Variants in TULP3 observed in about 807,000 individuals in gnomAD.
The protein encoded by TULP3 is tubby-related protein 3.
Under a neutral mutation model 50.7 loss-of-function variants are expected in TULP3, and 38 were observed. The ratio of observed to expected loss-of-function variants is 0.75; its 90% CI spans 0.58 to 0.98. The LOEUF (loss-of-function observed/expected upper bound fraction) is 0.98. TULP3 is among the 50% of genes least tolerant of loss of function. TULP3 has a pLI of 0.00. For missense variants in TULP3, 550 were observed against 568.0 expected (o/e 0.97, Z 0.32); for synonymous variants, 183 against 196.6 (o/e 0.93, Z 0.58).
chr12:2,897,032 G>GTA, intron 1 of TULP3, among the ~76,000 whole-genome samples: 1 of 150,506 alleles, frequency 6.6e-6, no homozygotes. Flanking sequence ...TTTTTTTTTT[G>GTA]GAGTCTCGCT....
Position 2,908,130 on chromosome 12 carries a change from T to C in TULP3, c.42-1399T>C, listed in dbSNP as rs184266340. Among the ~76,000 whole-genome samples, 52 of 152,314 alleles carry C rather than the reference T, an allele frequency of 3.4e-4. No individual in the cohort carries two copies. In the East Asian group the frequency reaches 8.1e-3, roughly 24 times the overall value. ...CATTAGTAAGATGCATAGAACCTTC[T>C]AAAATGTAGGAATATAGTGGCACAC... On this transcript the variant is annotated intron_variant, in intron 1 of 10. Transcript: ENST00000448120.
chr12:2,911,539 TA>T (rs1253395418), intron 2 of TULP3, among the ~76,000 whole-genome samples: 18 of 150,458 alleles, frequency 1.2e-4, no homozygotes, highest in African/African-American at 3.9e-4. Flanking sequence ...TATTTTTTTT[TA>T]ATTTTTACTA....
chr12:2,920,728 T>C, intron 2 of TULP3, 35 bp from the exon 3 acceptor site: 1 of 1,611,402 alleles, frequency 6.2e-7, no homozygotes, highest in Non-Finnish European at 8.5e-7. Context: ...ATGTCAAAAC[T>C]CTCCTTGCTG....
intron 4 of TULP3, among the ~76,000 whole-genome samples, chr12:2,925,808 AT>A (rs919634596): frequency 2.6e-5 from 4 of 152,136 alleles, no homozygotes; most frequent in African/African-American, 9.7e-5. Context: ...GCAGATTTAG[AT>A]TTTCTGATTC....
rs540827887 is a variant in TULP3, at chr12:2,930,345, C to T, written c.492C>T (p.Thr164=). 1.4e-5 allele frequency: 23 copies of T among 1,604,622 alleles called. No homozygotes were observed. The African/African-American group carries it at 1.7e-4, about 12-fold the overall frequency. Residue 164 remains threonine, a splice_region_variant and synonymous_variant, in exon 5 of 11, where the codon ACC becomes ACT. Transcript: ENST00000448120. ...ATTCTGCATCAAGCCAGAATTCAAC[C>T]GTATGTAGTTCTGAAACTTCTTCCA... ...RPNSASSQNS[T]DTGTSGSATA... is the part of the protein sequence containing the mutation.
At chr12:2,899,552 C>T (rs190293694) in intron 1 of TULP3, among the ~76,000 whole-genome samples, 1 of 151,950 alleles carries the variant, frequency 6.6e-6, no homozygotes, top group Non-Finnish European at 1.5e-5. Context: ...TAAAATGGAA[C>T]CCGTTACCTT....
chr12:2,934,389 G>T, intron 7 of TULP3, 58 bp from the exon 8 acceptor site: 2 of 1,160,876 alleles, frequency 1.7e-6, no homozygotes, highest in African/African-American at 1.6e-5. Context: ...CTCTTAGATT[G>T]TGTTTGTATA....
At chr12:2,937,258 C>G (rs1451155991) in intron 8 of TULP3, among the ~76,000 whole-genome samples, 1 of 116,654 alleles carries the variant, frequency 8.6e-6, no homozygotes, top group African/African-American at 3.4e-5. Flanking sequence ...CTCTTGTCGC[C>G]CAGGCTGGAG....
intron 4 of TULP3, among the ~76,000 whole-genome samples, chr12:2,923,883 G>T (rs1352591940): frequency 6.6e-6 from 1 of 151,722 alleles, no homozygotes; most frequent in Non-Finnish European, 1.5e-5. Flanking sequence ...GGGGGGCTGA[G>T]GCAGGAGGAT....
At chr12:2,907,661 AT>A (rs199539152) in intron 1 of TULP3, among the ~76,000 whole-genome samples, 13 of 150,534 alleles carry the variant, frequency 8.6e-5, no homozygotes, top group Non-Finnish European at 1.6e-4. Flanking sequence ...AAAAAAAAAA[AT>A]TTTTTATTCT....
At chr12:2,909,985 G>A (rs11062413) in intron 2 of TULP3, among the ~76,000 whole-genome samples, 41,738 of 152,034 alleles carry the variant, frequency 0.27, 6,271 homozygotes, top group African/African-American at 0.39. Flanking sequence ...GCTTGCTGCC[G>A]TGCTGCTTTC....
Position 2,914,813 on chromosome 12 carries a change from C to T in TULP3, c.93+5233C>T, listed in dbSNP as rs373041710. Among the ~76,000 whole-genome samples, 9 of 150,562 alleles carry T rather than the reference C, an allele frequency of 6.0e-5. No individual in the cohort carries two copies. The East Asian group carries it at 1.2e-3, about 20-fold the overall frequency. ...ACGCCTGGCTAATTTTTGTATTTTT[C>T]GTAGAGATGGAGTTTCACCATGTTG... On this transcript the variant is annotated intron_variant, in intron 2 of 10. Coordinates refer to ENST00000448120, the MANE Select transcript of TULP3 (RefSeq NM_003324.5).
In TULP3 at chr12:2,930,314, G is replaced by C; in HGVS notation, c.461G>C (p.Arg154Thr). ...DGISQSACLE[R>T]PNSASSQNST... The stretch of plus-strand genomic sequence containing the variant: ...ATATCCCAGTCAGCATGTTTAGAAA[G>C]ACCCAATTCTGCATCAAGCCAGAAT... Residue 154 changes from arginine (R) to threonine (T), a missense_variant, in exon 5 of 11, where the codon AGA (arginine) becomes ACA (threonine). Coordinates refer to ENST00000448120, the MANE Select transcript of TULP3 (RefSeq NM_003324.5). 8 of 1,612,550 alleles carry C rather than the reference G, an allele frequency of 5.0e-6. No homozygotes were observed. Among genetic ancestry groups the C allele is most frequent in the Non-Finnish European group, 6.8e-6 (8 of 1,179,232 alleles).
intron 1 of TULP3, among the ~76,000 whole-genome samples, chr12:2,893,327 G>T (rs1208797987): frequency 1.6e-4 from 20 of 128,154 alleles, no homozygotes; most frequent in Non-Finnish European, 1.6e-4. Context: ...TGTTTAATGT[G>T]TTTTTTTTTT....
At chr12:2,911,639 A>C (rs549326606) in intron 2 of TULP3, among the ~76,000 whole-genome samples, 1 of 127,870 alleles carries the variant, frequency 7.8e-6, no homozygotes. Context: ...TGCTGGGATT[A>C]CAGGCGTGAG....
At position 2,935,928 on chromosome 12, in the gene TULP3, C is replaced by G. The variant is rs116753989; in HGVS notation, c.924+1367C>G. ...GAGGCTGCAGTGAGCCGTGATCACACCATGCACTCTAGCCTGGGCGACAGC... is the reference window on the plus strand; with the variant it reads ...GAGGCTGCAGTGAGCCGTGATCACAGCATGCACTCTAGCCTGGGCGACAGC... On this transcript the variant is annotated intron_variant, in intron 8 of 10. Coordinates refer to ENST00000448120, the MANE Select transcript of TULP3 (RefSeq NM_003324.5). Among the ~76,000 whole-genome samples the G allele has an allele frequency of 8.8e-3, 1,343 of 151,992 alleles. 17 individuals carry two copies. The highest frequency in any genetic ancestry group is 0.031 in the African/African-American group (1,285 of 41,432).
chr12:2,916,850 A>T (rs372938939), intron 2 of TULP3, among the ~76,000 whole-genome samples: 1 of 152,246 alleles, frequency 6.6e-6, no homozygotes, highest in African/African-American at 2.4e-5. Context: ...ATACTGAGGT[A>T]TAGTAGCTGT....
intron 3 of TULP3, among the ~76,000 whole-genome samples, chr12:2,921,437 G>A (rs367814490): frequency 1.3e-5 from 2 of 152,234 alleles, no homozygotes; most frequent in African/African-American, 2.4e-5. Context: ...CACCATGCCC[G>A]GCAAGAACTG....
chr12:2,899,355 A>AAAC (rs2098177492), intron 1 of TULP3, among the ~76,000 whole-genome samples: 1 of 151,820 alleles, frequency 6.6e-6, no homozygotes, highest in Admixed American at 6.6e-5. Context: ...CAAAAAAAAA[A>AAAC]AAAAAAAAAC....
Sources: allele counts gnomAD v4.1 joint callset (sites outside exome capture counted in the v4.1 genomes callset), GRCh38; gene constraint gnomAD v4.1.1; transcripts MANE v1.5; gene names NCBI Gene and HGNC (gene_info 2026-07-23, HGNC 2026-07-21).